PTPRD: variants seen among roughly 807,000 people sequenced by gnomAD.
The protein encoded by PTPRD is receptor-type tyrosine-protein phosphatase delta.
In PTPRD, 34 loss-of-function variants were observed where a neutral mutation model predicts 214.5. The observed-to-expected ratio is 0.16, with a 90% confidence interval of 0.12 to 0.21. The LOEUF (loss-of-function observed/expected upper bound fraction) is 0.21. Ranked by LOEUF, PTPRD falls within the 10% of genes least tolerant of loss-of-function variation. The pLI is 1.00. For synonymous variants in PTPRD, 1,128 were observed against 845.7 expected (o/e 1.33, Z -5.79); for missense variants, 2,545 against 2,398.7 (o/e 1.06, Z -1.27).
At chr9:9,874,308 A>G (rs914736766) in intron 5 of PTPRD, among the ~76,000 whole-genome samples, 1 of 152,184 alleles carries the variant, frequency 6.6e-6, no homozygotes, top group Non-Finnish European at 1.5e-5. Context: ...ATTTTTGATT[A>G]TATAATCCCT....
chr9:9,530,481 T>C (rs1455501348), intron 8 of PTPRD, among the ~76,000 whole-genome samples: 8 of 151,174 alleles, frequency 5.3e-5, no homozygotes, highest in East Asian at 1.9e-4. Context: ...AGTAATGACA[T>C]TGAATCAGTA....
At chr9:8,948,517 ATT>A (rs1391009104) in intron 11 of PTPRD, among the ~76,000 whole-genome samples, 213 of 10,338 alleles carry the variant, frequency 0.021, 41 homozygotes, top group African/African-American at 0.033. Context: ...ATATATATAT[ATT>A]TATATATATA....
intron 10 of PTPRD, among the ~76,000 whole-genome samples, chr9:9,068,141 C>A (rs570993778): frequency 6.6e-6 from 1 of 151,888 alleles, no homozygotes; most frequent in Non-Finnish European, 1.5e-5. Context: ...GCATAATTTT[C>A]TCGAGATTCA....
intron 3 of PTPRD, among the ~76,000 whole-genome samples, chr9:10,196,694 A>G (rs1220746060): frequency 6.6e-6 from 1 of 152,188 alleles, no homozygotes; most frequent in African/African-American, 2.4e-5. Context: ...TGGTAGGCAT[A>G]GTTACCTCAG....
chr9:8,474,634 T>A (rs2096727624), intron 30 of PTPRD, among the ~76,000 whole-genome samples: 1 of 152,214 alleles, frequency 6.6e-6, no homozygotes, highest in African/African-American at 2.4e-5. Flanking sequence ...TCCAATTGCC[T>A]AGTCCTTCCA....
intron 2 of PTPRD, among the ~76,000 whole-genome samples, chr9:10,590,465 A>T (rs1047251762): frequency 6.6e-6 from 1 of 151,992 alleles, no homozygotes; most frequent in Non-Finnish European, 1.5e-5. Context: ...TTTATAGTCA[A>T]TCTTCCACAT....
chr9:10,215,548 C>A (rs1159745336), intron 3 of PTPRD, among the ~76,000 whole-genome samples: 1 of 151,930 alleles, frequency 6.6e-6, no homozygotes, highest in African/African-American at 2.4e-5. Context: ...TCCAACATAC[C>A]AGTGAGAATG....
chr9:9,872,724 G>C (rs1316939385), intron 5 of PTPRD, among the ~76,000 whole-genome samples: 3 of 152,122 alleles, frequency 2.0e-5, no homozygotes, highest in Admixed American at 6.5e-5. Context: ...TTAAATGCTA[G>C]ATATCATCAT....
chr9:8,495,418 T>G (rs1157977141), intron 26 of PTPRD, among the ~76,000 whole-genome samples: 1 of 152,338 alleles, frequency 6.6e-6, no homozygotes, highest in East Asian at 1.9e-4. Flanking sequence ...TATCACTTCA[T>G]GACTAAATTA....
intron 7 of PTPRD, among the ~76,000 whole-genome samples, chr9:9,642,445 T>C (rs543935889): frequency 3.2e-4 from 49 of 152,338 alleles, no homozygotes; most frequent in African/African-American, 1.2e-3. Flanking sequence ...CTTATGTCTT[T>C]AGATGAATGC....
intron 11 of PTPRD, among the ~76,000 whole-genome samples, chr9:8,995,847 A>T: frequency 1.3e-5 from 2 of 151,522 alleles, no homozygotes; most frequent in African/African-American, 4.9e-5. Flanking sequence ...TGAGGGGCAA[A>T]CTGACACAAT....
chr9:10,537,710 C>A (rs1486308608), intron 2 of PTPRD, among the ~76,000 whole-genome samples: 1 of 152,010 alleles, frequency 6.6e-6, no homozygotes, highest in Non-Finnish European at 1.5e-5. Context: ...CTGATTATAT[C>A]CATATTTATA....
intron 7 of PTPRD, among the ~76,000 whole-genome samples, chr9:9,581,975 A>T (rs1592154282): frequency 6.6e-6 from 1 of 152,178 alleles, no homozygotes; most frequent in Admixed American, 6.6e-5. Context: ...CTAATGTTTA[A>T]TAACTGTATA....
chr9:8,492,703 A>AT (rs5896249), intron 27 of PTPRD, among the ~76,000 whole-genome samples, 159 bp downstream of exon 27: 3,944 of 143,364 alleles, frequency 0.028, 156 homozygotes, highest in African/African-American at 0.089. Flanking sequence ...TCCCTGATCT[A>AT]TTTTTTTTTT....
intron 39 of PTPRD, among the ~76,000 whole-genome samples, chr9:8,352,053 G>GA (rs530762929): frequency 7.5e-4 from 103 of 136,622 alleles, no homozygotes; most frequent in East Asian, 4.7e-3. Context: ...TCTCGAGAAA[G>GA]AAAAAAAAAA....
chr9:9,294,692 T>G (rs552672585), intron 9 of PTPRD, among the ~76,000 whole-genome samples: 1 of 151,754 alleles, frequency 6.6e-6, no homozygotes, highest in Non-Finnish European at 1.5e-5. Context: ...AGAATGAAAC[T>G]TACCTTGCTG....
chr9:9,531,887 G>T (rs796481211), intron 8 of PTPRD, among the ~76,000 whole-genome samples: 5 of 152,050 alleles, frequency 3.3e-5, no homozygotes, highest in African/African-American at 1.2e-4. Flanking sequence ...ACAGAAGATT[G>T]TAAGTATAGA....
intron 2 of PTPRD, among the ~76,000 whole-genome samples, chr9:10,396,458 T>C (rs73644447): frequency 0.027 from 4,131 of 152,030 alleles, 196 homozygotes; most frequent in African/African-American, 0.095. Flanking sequence ...TAGGATCTAA[T>C]TATCTAAATT....
At chr9:9,211,926 A>G (rs2099949043) in intron 9 of PTPRD, among the ~76,000 whole-genome samples, 1 of 152,072 alleles carries the variant, frequency 6.6e-6, no homozygotes, top group African/African-American at 2.4e-5. Context: ...GTTCTAGAAA[A>G]TTTTAATATC....
Sources: gnomAD v4.1 joint callset for allele counts (sites outside exome capture counted in the v4.1 genomes callset) on GRCh38, gnomAD v4.1.1 for gene constraint, MANE v1.5 for transcripts, NCBI Gene and HGNC (gene_info 2026-07-23, HGNC 2026-07-21) for gene names.